Variants in DGKB observed in about 807,000 individuals in gnomAD.
DGKB encodes 90 kDa diacylglycerol kinase.
DGKB carries 67 observed loss-of-function variants against 114.3 expected under a neutral mutation model. That is an observed-to-expected ratio of 0.59 (90% CI 0.48 to 0.72). The LOEUF is 0.72. Among genes scored for constraint, DGKB ranks in the 30% least tolerant of loss-of-function variants. DGKB has a pLI of 0.00. For synonymous variants in DGKB, 398 were observed against 323.1 expected (o/e 1.23, Z -2.49); for missense variants, 907 against 975.2 (o/e 0.93, Z 0.93).
intron 23 of DGKB, among the ~76,000 whole-genome samples, chr7:14,332,149 T>G (rs957175301): frequency 6.6e-6 from 1 of 152,004 alleles, no homozygotes; most frequent in African/African-American, 2.4e-5. Context: ...TAGCTAGCAT[T>G]AACTAGGCAT....
At chr7:14,588,858 T>G (rs574310036) in intron 17 of DGKB, among the ~76,000 whole-genome samples, 1 of 152,182 alleles carries the variant, frequency 6.6e-6, no homozygotes, top group South Asian at 2.1e-4. Flanking sequence ...TCTTACCAAT[T>G]ATTTCTTCTT....
At chr7:14,641,514 G>A (rs1385497067) in intron 13 of DGKB, among the ~76,000 whole-genome samples, 1 of 149,214 alleles carries the variant, frequency 6.7e-6, no homozygotes, top group Non-Finnish European at 1.5e-5. Flanking sequence ...AAAAAAGGCT[G>A]TGCCTAGGCA....
At position 14,648,221 on chromosome 7, in the gene DGKB, A is replaced by G. The variant is rs1351067533; in HGVS notation, c.1135-17953T>C. Reference sequence around the variant, plus strand: ...ACAGACAAACAAAAAGACAGCAGTAACCTCTGCAGACTTAAATGTCCCTGT... The same window carrying G: ...ACAGACAAACAAAAAGACAGCAGTAGCCTCTGCAGACTTAAATGTCCCTGT... On this transcript the variant is annotated intron_variant, in intron 13 of 25. Coordinates refer to ENST00000402815, the MANE Select transcript of DGKB (RefSeq NM_001350709.2). Among the ~76,000 whole-genome samples the G allele has an allele frequency of 3.4e-4, 52 of 152,318 alleles. No individual in the cohort carries two copies. The South Asian group carries it at 9.7e-3, about 29-fold the overall frequency.
intron 1 of DGKB, among the ~76,000 whole-genome samples, chr7:14,967,983 C>T (rs562582909): frequency 1.3e-5 from 2 of 152,190 alleles, no homozygotes; most frequent in East Asian, 3.9e-4. Flanking sequence ...TTCTGACAAA[C>T]ATATAGTGAG....
At chr7:14,473,509 A>C (rs75604631) in intron 21 of DGKB, among the ~76,000 whole-genome samples, 317 of 152,292 alleles carry the variant, frequency 2.1e-3, no homozygotes, top group African/African-American at 7.0e-3. Flanking sequence ...GTGGGGTCAG[A>C]ACCCCCACAA....
chr7:14,621,802 G>A (rs1053461967), intron 14 of DGKB, among the ~76,000 whole-genome samples: 15 of 152,042 alleles, frequency 9.9e-5, no homozygotes, highest in Admixed American at 2.0e-4. Context: ...ATTTTCATAT[G>A]TAATGATACA....
intron 23 of DGKB, among the ~76,000 whole-genome samples, chr7:14,236,829 G>A (rs1859733): frequency 0.56 from 85,153 of 151,622 alleles, 24,806 homozygotes; most frequent in African/African-American, 0.68. Flanking sequence ...AAAAATATGT[G>A]GTGAAAACAG....
chr7:14,821,716 G>A (rs1289775536), intron 2 of DGKB, among the ~76,000 whole-genome samples: 1 of 152,146 alleles, frequency 6.6e-6, no homozygotes, highest in Non-Finnish European at 1.5e-5. Context: ...AGGACATCAA[G>A]ATTTTAGGCA....
At chr7:14,535,246 G>C (rs1792244449) in intron 20 of DGKB, among the ~76,000 whole-genome samples, 1 of 152,020 alleles carries the variant, frequency 6.6e-6, no homozygotes, top group Non-Finnish European at 1.5e-5. Flanking sequence ...GTGTGAGTCT[G>C]TAGTTCCAGC....
At chr7:14,380,671 C>T (rs764994320) in intron 21 of DGKB, among the ~76,000 whole-genome samples, 1 of 152,104 alleles carries the variant, frequency 6.6e-6, no homozygotes, top group African/African-American at 2.4e-5. Flanking sequence ...AAGGAGTATT[C>T]ATTGCTTTCA....
chr7:14,807,527 T>C (rs898066228), intron 2 of DGKB, among the ~76,000 whole-genome samples: 1 of 152,024 alleles, frequency 6.6e-6, no homozygotes. Flanking sequence ...AGAATTAGAA[T>C]TCAAATTAGA....
At chr7:14,233,008 G>C (rs1792149067) in intron 23 of DGKB, among the ~76,000 whole-genome samples, 1 of 152,014 alleles carries the variant, frequency 6.6e-6, no homozygotes, top group African/African-American at 2.4e-5. Flanking sequence ...ATAGCATTTT[G>C]TTTTTGCTAC....
intron 2 of DGKB, among the ~76,000 whole-genome samples, chr7:14,800,153 T>TGATCCGCCCACCTCGGCCTCCC: frequency 6.6e-6 from 1 of 152,278 alleles, no homozygotes; most frequent in Non-Finnish European, 1.5e-5. Context: ...CTTGACCTCA[T>TGATCCGCCCACCTCGGCCTCCC]GATCCGCCCA....
chr7:14,249,100 A>T (rs1233710863), intron 23 of DGKB, among the ~76,000 whole-genome samples: 1 of 152,116 alleles, frequency 6.6e-6, no homozygotes, highest in African/African-American at 2.4e-5. Flanking sequence ...TATTTAGGGG[A>T]TCACATGGTT....
intron 21 of DGKB, among the ~76,000 whole-genome samples, chr7:14,379,398 A>AG (rs1380754310): frequency 4.8e-5 from 7 of 145,642 alleles, no homozygotes; most frequent in African/African-American, 1.3e-4. Context: ...GAAATTATGG[A>AG]GTTTTTTTTT....
At chr7:14,532,702 G>A (rs755773342) in intron 20 of DGKB, among the ~76,000 whole-genome samples, 25 of 151,490 alleles carry the variant, frequency 1.7e-4, no homozygotes, top group Non-Finnish European at 4.4e-5. Context: ...ATGTATAAAT[G>A]CCATTCTCTT....
At chr7:14,322,397 G>C (rs745846032) in intron 23 of DGKB, among the ~76,000 whole-genome samples, 1 of 152,140 alleles carries the variant, frequency 6.6e-6, no homozygotes, top group African/African-American at 2.4e-5. Flanking sequence ...GGGTGTAGGA[G>C]TCTTTTCAAT....
intron 23 of DGKB, among the ~76,000 whole-genome samples, chr7:14,333,961 C>A (rs181172464): frequency 6.6e-6 from 1 of 152,140 alleles, no homozygotes; most frequent in Non-Finnish European, 1.5e-5. Context: ...CAGTTGTGAG[C>A]ATGTTTAAAA....
At chr7:14,965,462 G>T (rs553255370) in intron 1 of DGKB, among the ~76,000 whole-genome samples, 5 of 152,166 alleles carry the variant, frequency 3.3e-5, no homozygotes, top group African/African-American at 1.2e-4. Context: ...TGTGAAAATT[G>T]CTAACAGAAA....
Sources: gnomAD v4.1 joint callset for allele counts (sites outside exome capture counted in the v4.1 genomes callset) on GRCh38, gnomAD v4.1.1 for gene constraint, MANE v1.5 for transcripts, NCBI Gene and HGNC (gene_info 2026-07-23, HGNC 2026-07-21) for gene names.